Variants in SIPA1L3 observed in about 807,000 individuals in gnomAD.
SIPA1L3 encodes signal-induced proliferation-associated 1-like protein 3.
Under a neutral mutation model 150.1 loss-of-function variants are expected in SIPA1L3, and 59 were observed. That is an observed-to-expected ratio of 0.39 (90% confidence interval 0.32 to 0.49). The LOEUF is 0.49. Among genes scored for constraint, SIPA1L3 ranks in the 20% least tolerant of loss-of-function variants. The pLI is 0.86. For synonymous variants in SIPA1L3, 1,070 were observed against 1,077.6 expected (o/e 0.99, Z 0.14); for missense variants, 2,211 against 2,489.5 (o/e 0.89, Z 2.38).
chr19:38,202,098 A>C, intron 20 of SIPA1L3, 101 bp downstream of exon 20: 12 of 1,218,990 alleles, frequency 9.8e-6, no homozygotes, highest in East Asian at 5.0e-5. Flanking sequence ...CACCCCCACC[A>C]CTCTCCGGGC....
At chr19:38,080,197 G>A (rs1015966086) in intron 2 of SIPA1L3, among the ~76,000 whole-genome samples, 2 of 152,204 alleles carry the variant, frequency 1.3e-5, no homozygotes, top group Non-Finnish European at 2.9e-5. Context: ...AAACTCCACT[G>A]GTGCTCATGT....
intron 2 of SIPA1L3, among the ~76,000 whole-genome samples, chr19:38,040,689 A>G (rs1378756066): frequency 6.6e-6 from 1 of 152,228 alleles, no homozygotes; most frequent in Non-Finnish European, 1.5e-5. Context: ...ATTCTAGTTG[A>G]AATGCCCCAT....
At chr19:38,039,467 G>T (rs1968863200) in intron 2 of SIPA1L3, among the ~76,000 whole-genome samples, 1 of 151,916 alleles carries the variant, frequency 6.6e-6, no homozygotes, top group Non-Finnish European at 1.5e-5. Flanking sequence ...GCTGAGGCGG[G>T]TGAATCACTT....
chr19:37,945,121 G>A (rs532305041), intron 1 of SIPA1L3, among the ~76,000 whole-genome samples: 1 of 152,238 alleles, frequency 6.6e-6, no homozygotes, highest in African/African-American at 2.4e-5. Context: ...CTCATGTACT[G>A]CTTATTGCTG....
At chr19:38,077,905 A>G (rs1969882994) in intron 2 of SIPA1L3, among the ~76,000 whole-genome samples, 1 of 151,772 alleles carries the variant, frequency 6.6e-6, no homozygotes, top group African/African-American at 2.4e-5. Context: ...TCCTGACCTC[A>G]GGCAATCCAC....
chr19:38,010,688 G>A (rs763384496), intron 1 of SIPA1L3, among the ~76,000 whole-genome samples: 9 of 152,082 alleles, frequency 5.9e-5, no homozygotes, highest in Admixed American at 2.0e-4. Context: ...TCCAGCCCGG[G>A]CAACAAGAGC....
At chr19:37,990,140 G>A (rs530130252) in intron 1 of SIPA1L3, among the ~76,000 whole-genome samples, 2 of 152,092 alleles carry the variant, frequency 1.3e-5, no homozygotes, top group South Asian at 4.2e-4. Context: ...CCCTACGGCC[G>A]CATGCCTCTT....
In SIPA1L3 at chr19:38,206,919, A is replaced by G. The variant is rs1298838577; in HGVS notation, c.*679A>G. On this transcript the variant is annotated 3_prime_UTR_variant, in exon 22 of 22. Coordinates refer to ENST00000222345, the MANE Select transcript of SIPA1L3 (RefSeq NM_015073.3). ...CAAGGCTAGCCTCCAGAGCCGATTT[A>G]TTTGAGAGAGAAACTCTATTTGGAT... 1 of 152,520 alleles carries G rather than the reference A, an allele frequency of 6.6e-6. No homozygotes were observed. The highest frequency in any genetic ancestry group is 1.5e-5 in the Non-Finnish European group (1 of 68,040). The allele number at this position is 152,520 out of a possible 1,614,324, so 9.4% of individuals were successfully genotyped here. A position where few individuals can be genotyped will look rare whatever the true frequency, so the allele number is the denominator to read the frequency against.
intron 10 of SIPA1L3, among the ~76,000 whole-genome samples, chr19:38,132,519 G>A (rs1971334195): frequency 6.7e-6 from 1 of 150,064 alleles, no homozygotes; most frequent in Non-Finnish European, 1.5e-5. Flanking sequence ...GGGAGGCAGA[G>A]GTTGCGGTGA....
chr19:38,118,967 G>T (rs530016926), intron 8 of SIPA1L3, among the ~76,000 whole-genome samples: 42 of 152,284 alleles, frequency 2.8e-4, no homozygotes, highest in African/African-American at 9.9e-4. Context: ...AGCCCAGGAG[G>T]TAGGATGGCT....
chr19:38,047,134 G>T lies in SIPA1L3; in HGVS notation c.-311+17978G>T, dbSNP rs1969077059. Among the ~76,000 whole-genome samples the T allele has an allele frequency of 6.6e-6, 1 of 152,192 alleles. No homozygotes were observed. ...TTGGGTTGTTTGCGTGAGCCACACAGGTAGGAAGTGGCAGAACCAGGATTT... is the reference window on the plus strand; with the variant it reads ...TTGGGTTGTTTGCGTGAGCCACACATGTAGGAAGTGGCAGAACCAGGATTT... On this transcript the variant is annotated intron_variant, in intron 2 of 21. Transcript: ENST00000222345. This position sits in a 1 kb window ranked among gnomAD's most constrained non-coding sequence, Gnocchi z 4.7.
chr19:38,128,046 C>CTTTTT (rs34053188), intron 9 of SIPA1L3, among the ~76,000 whole-genome samples: 2 of 66,548 alleles, frequency 3.0e-5, no homozygotes, highest in Non-Finnish European at 5.5e-5. Context: ...CCTTGGGCCT[C>CTTTTT]TTTTTTTTTT....
intron 20 of SIPA1L3, among the ~76,000 whole-genome samples, chr19:38,203,407 G>A (rs1041629057): frequency 1.2e-4 from 18 of 152,222 alleles, no homozygotes; most frequent in Admixed American, 6.5e-4. Context: ...GCCTGTGCAC[G>A]CACGGCATCC....
At chr19:38,115,008 C>T (rs1451732249) in intron 8 of SIPA1L3, among the ~76,000 whole-genome samples, 2 of 152,228 alleles carry the variant, frequency 1.3e-5, no homozygotes, top group African/African-American at 4.8e-5. Context: ...AAGCAGATCT[C>T]CCTCAAGGAT....
chr19:38,205,956 A>G, intron 21 of SIPA1L3, 141 bp from the exon 22 acceptor site: 1 of 938,076 alleles, frequency 1.1e-6, no homozygotes, highest in Non-Finnish European at 1.5e-6. Context: ...GCAGAGTGGG[A>G]TGTGTGCCCC....
At chr19:37,942,298 C>T (rs1599821325) in intron 1 of SIPA1L3, among the ~76,000 whole-genome samples, 2 of 151,456 alleles carry the variant, frequency 1.3e-5, no homozygotes, top group Non-Finnish European at 2.9e-5. Context: ...AGCAGAATGG[C>T]GAGAGAGACA....
intron 9 of SIPA1L3, among the ~76,000 whole-genome samples, chr19:38,123,469 T>C (rs376359447): frequency 1.4e-5 from 2 of 147,608 alleles, no homozygotes; most frequent in South Asian, 2.2e-4. Flanking sequence ...TGATGACTCT[T>C]AAGGAGCATG....
At chr19:38,163,047 C>G (rs1469093919) in intron 14 of SIPA1L3, among the ~76,000 whole-genome samples, 1 of 152,150 alleles carries the variant, frequency 6.6e-6, no homozygotes, top group Non-Finnish European at 1.5e-5. Context: ...TCTTTGTATC[C>G]ATTCGTTCAG....
At chr19:38,104,762 G>A (rs1279461357) in intron 6 of SIPA1L3, among the ~76,000 whole-genome samples, 4 of 151,814 alleles carry the variant, frequency 2.6e-5, no homozygotes, top group Non-Finnish European at 4.4e-5. Context: ...GTAGAGATGG[G>A]GTTTCACCGT....
Sources: gnomAD v4.1 joint callset for allele counts (sites outside exome capture counted in the v4.1 genomes callset) on GRCh38, gnomAD v4.1.1 for gene constraint, Gnocchi (gnomAD v3.1) non-coding constraint, MANE v1.5 for transcripts, NCBI Gene and HGNC (gene_info 2026-07-23, HGNC 2026-07-21) for gene names.